Variants in LARGE1 observed in about 807,000 individuals in gnomAD.
LARGE1 encodes LARGE xylosyl- and glucuronyltransferase 1, also known as xylosyl- and glucuronyltransferase LARGE1.
Under a neutral mutation model 87.6 loss-of-function variants are expected in LARGE1, and 43 were observed. The observed-to-expected ratio is 0.49, with a 90% CI of 0.38 to 0.63. LARGE1 has a LOEUF of 0.63. Ranked by LOEUF, LARGE1 falls within the 30% of genes least tolerant of loss-of-function variation. The pLI is 0.00. For synonymous variants in LARGE1, 434 were observed against 394.6 expected (o/e 1.10, Z -1.18); for missense variants, 802 against 1,000.2 (o/e 0.80, Z 2.67).
chr22:33,877,881 C>T (rs1203965978), intron 1 of LARGE1, among the ~76,000 whole-genome samples: 1 of 151,726 alleles, frequency 6.6e-6, no homozygotes, highest in Admixed American at 6.6e-5. Flanking sequence ...GAGATCATGC[C>T]ACTCCACTCC....
intron 11 of LARGE1, among the ~76,000 whole-genome samples, chr22:33,187,722 T>C (rs958439834): frequency 1.3e-5 from 2 of 151,580 alleles, no homozygotes; most frequent in African/African-American, 4.8e-5. Flanking sequence ...ATTGAGACCA[T>C]CCTGGCTAAC....
chr22:33,159,752 T>A (rs530380557), downstream of LARGE1, among the ~76,000 whole-genome samples: 1 of 151,754 alleles, frequency 6.6e-6, no homozygotes, highest in African/African-American at 2.4e-5. Context: ...GCCTGGCTAA[T>A]TTTTTGTATT....
rs775051738 is a variant in LARGE1, at chr22:33,316,248, G to C, written c.1288C>G (p.Leu430Val). Reference protein sequence around the residue: ...PSEADVNSENLQKQLSELDED... With the variant: ...PSEADVNSENVQKQLSELDED... Reference sequence around the variant, plus strand: ...TCCAGCTCAGACAGCTGCTTCTGGAGCTGCAGGGTAGGAGAGAGGGCTTGG... The same window carrying C: ...TCCAGCTCAGACAGCTGCTTCTGGACCTGCAGGGTAGGAGAGAGGGCTTGG... The change falls in exon 11 of 15, where the codon CTC becomes GTC. Residue 430 changes from leucine to valine, a missense_variant and splice_region_variant. By Grantham distance (32) the Leu-to-Val change is conservative. Transcript: ENST00000397394. 1.2e-6 allele frequency: 2 copies of C among 1,613,438 alleles called. No homozygotes were observed. The highest frequency in any genetic ancestry group is 3.3e-5 in the Admixed American group (2 of 60,026).
At chr22:33,532,809 A>G (rs2076936789) in intron 6 of LARGE1, among the ~76,000 whole-genome samples, 1 of 152,170 alleles carries the variant, frequency 6.6e-6, no homozygotes, top group African/African-American at 2.4e-5. Flanking sequence ...TTCCTTTGTG[A>G]GTGCCAAGTA....
At chr22:33,514,962 G>A (rs1486841376) in intron 6 of LARGE1, among the ~76,000 whole-genome samples, 1 of 151,998 alleles carries the variant, frequency 6.6e-6, no homozygotes. Context: ...TGTGCTAAGC[G>A]CTTTAGGTAA....
chr22:33,114,325 T>C, the LARGE1 span, among the ~76,000 whole-genome samples: 3 of 152,304 alleles, frequency 2.0e-5, no homozygotes, highest in South Asian at 6.2e-4. Flanking sequence ...TCCTGTCTTG[T>C]TAGGACAACA....
the LARGE1 span, among the ~76,000 whole-genome samples, chr22:33,079,817 AAAG>A: frequency 1.3e-5 from 2 of 152,204 alleles, no homozygotes; most frequent in Non-Finnish European, 2.9e-5. Flanking sequence ...GCCCCCAAGA[AAAG>A]AAGAAGGAAG....
intron 2 of LARGE1, among the ~76,000 whole-genome samples, chr22:33,669,138 T>C (rs992968904): frequency 6.6e-6 from 1 of 152,262 alleles, no homozygotes; most frequent in Admixed American, 6.5e-5. Context: ...GAAGAGTTAC[T>C]AGCGATGTTG....
At chr22:33,888,448 C>T (rs926016420) in intron 1 of LARGE1, among the ~76,000 whole-genome samples, 5 of 152,072 alleles carry the variant, frequency 3.3e-5, no homozygotes, top group African/African-American at 1.2e-4. Flanking sequence ...ATGATGTGCA[C>T]GTGGTGGACA....
chr22:33,415,278 A>C (rs1001448464), intron 7 of LARGE1, among the ~76,000 whole-genome samples: 2 of 152,242 alleles, frequency 1.3e-5, no homozygotes, highest in Non-Finnish European at 2.9e-5. Flanking sequence ...TGTAATTAGC[A>C]AAGAGAGAGG....
chr22:33,615,399 C>T (rs573083553), intron 4 of LARGE1, among the ~76,000 whole-genome samples: 69 of 152,204 alleles, frequency 4.5e-4, no homozygotes, highest in African/African-American at 1.5e-3. Flanking sequence ...AATGCAGGAG[C>T]AAATCTTTTA....
chr22:33,541,051 T>G (rs994620712), intron 6 of LARGE1, among the ~76,000 whole-genome samples: 5,586 of 11,272 alleles, frequency 0.5, 532 homozygotes, highest in Non-Finnish European at 0.5. Context: ...GGGTGGTGGG[T>G]TGCGGGGGGG....
intron 2 of LARGE1, among the ~76,000 whole-genome samples, chr22:33,747,344 T>G (rs759778494): frequency 6.6e-6 from 1 of 152,030 alleles, no homozygotes; most frequent in Non-Finnish European, 1.5e-5. Flanking sequence ...TCATCCACCA[T>G]GTTGCTTCTC....
At chr22:33,797,656 A>C (rs1461981163) in intron 1 of LARGE1, among the ~76,000 whole-genome samples, 1 of 152,220 alleles carries the variant, frequency 6.6e-6, no homozygotes, top group African/African-American at 2.4e-5. Flanking sequence ...TGGAGTTCTC[A>C]GTTATGGCAA....
At chr22:33,790,540 T>C (rs1331985869) in intron 1 of LARGE1, among the ~76,000 whole-genome samples, 6 of 152,208 alleles carry the variant, frequency 3.9e-5, no homozygotes, top group Admixed American at 3.9e-4. Context: ...CAAAAGCCAA[T>C]ATATATTTGT....
At chr22:33,325,308 G>C (rs937871399) in intron 10 of LARGE1, among the ~76,000 whole-genome samples, 1 of 152,252 alleles carries the variant, frequency 6.6e-6, no homozygotes, top group Non-Finnish European at 1.5e-5. Flanking sequence ...CCTCCTTGCA[G>C]TTAAGAATAA....
At chr22:33,873,835 T>G (rs1178616913) in intron 1 of LARGE1, among the ~76,000 whole-genome samples, 1 of 151,888 alleles carries the variant, frequency 6.6e-6, no homozygotes, top group East Asian at 1.9e-4. Context: ...TCACTCCATG[T>G]CACAAGAAGC....
chr22:33,663,606 G>A (rs895961604), intron 2 of LARGE1, among the ~76,000 whole-genome samples: 3 of 152,166 alleles, frequency 2.0e-5, no homozygotes, highest in African/African-American at 7.2e-5. Context: ...CCCACCTGAG[G>A]GACTGATCTC....
rs181954608 is a variant in LARGE1, at chr22:33,868,868, G to T, written c.-83+51127C>A. Reference sequence around the variant, plus strand: ...GAGGGGCTCAAAACTAAATGGAAAGGGGGTTGCAAGGTACACGGATTCACG... The same window carrying T: ...GAGGGGCTCAAAACTAAATGGAAAGTGGGTTGCAAGGTACACGGATTCACG... On this transcript the variant is annotated intron_variant, in intron 1 of 14. Coordinates refer to ENST00000397394, the MANE Select transcript of LARGE1 (RefSeq NM_133642.5). Among the ~76,000 whole-genome samples, 29 of 152,246 alleles carry T rather than the reference G, an allele frequency of 1.9e-4. No individual in the cohort carries two copies. The East Asian group carries it at 4.8e-3, about 25-fold the overall frequency.
Sources: gnomAD v4.1 joint callset for allele counts (sites outside exome capture counted in the v4.1 genomes callset) on GRCh38, gnomAD v4.1.1 for gene constraint, MANE v1.5 for transcripts, NCBI Gene and HGNC (gene_info 2026-07-23, HGNC 2026-07-21) for gene names.